Variants in MGLL observed in about 807,000 individuals in gnomAD.
MGLL encodes the protein monoglyceride lipase.
In MGLL, 7 loss-of-function variants were observed where a neutral mutation model predicts 29.1. That is an observed-to-expected ratio of 0.24 (90% CI 0.14 to 0.45). The LOEUF is 0.45. Among genes scored for constraint, MGLL ranks in the 20% least tolerant of loss-of-function variants. The pLI is 0.99. For synonymous variants in MGLL, 148 were observed against 168.3 expected (o/e 0.88, Z 0.93); for missense variants, 356 against 413.6 (o/e 0.86, Z 1.21).
chr3:127,710,442 C>A (rs749288576), intron 6 of MGLL, 134 bp downstream of exon 6: 2 of 845,500 alleles, frequency 2.4e-6, no homozygotes, highest in African/African-American at 1.7e-5. Context: ...GTCTAATGCA[C>A]CACTGTGTCC....
chr3:127,735,730 G>C, intron 3 of MGLL: 1 of 1,598,084 alleles, frequency 6.3e-7, no homozygotes, highest in Non-Finnish European at 8.5e-7. Context: ...TTTCCAGCAC[G>C]TGCTCGCTCC....
At chr3:127,762,675 C>T (rs979314451) in intron 3 of MGLL, among the ~76,000 whole-genome samples, 1 of 152,162 alleles carries the variant, frequency 6.6e-6, no homozygotes, top group African/African-American at 2.4e-5. Flanking sequence ...GTTGCAGGTT[C>T]CTTGCAGCCC....
intron 3 of MGLL, among the ~76,000 whole-genome samples, chr3:127,774,325 G>A (rs1369932407): frequency 6.6e-6 from 1 of 152,194 alleles, no homozygotes; most frequent in Non-Finnish European, 1.5e-5. Context: ...AAACTGTTGG[G>A]CAGAGGGAGC....
chr3:127,701,633 C>G (rs1437176042), intron 6 of MGLL, among the ~76,000 whole-genome samples: 4 of 152,188 alleles, frequency 2.6e-5, no homozygotes, highest in Non-Finnish European at 4.4e-5. Flanking sequence ...CACAGCATGT[C>G]CCCTCAGCCT....
chr3:127,820,900 C>A (rs1421209315), intron 2 of MGLL, among the ~76,000 whole-genome samples: 1 of 152,180 alleles, frequency 6.6e-6, no homozygotes, highest in African/African-American at 2.4e-5. Flanking sequence ...AAATTTTACA[C>A]CTGTGTGAGG....
rs567213585 is a variant in MGLL at position 127,692,881 on chromosome 3, C to T, written c.817-558G>A. ...TTCAACCTAGCCGGCAGATCCTTCT[C>T]AGTCCAGGCTCACCCCACCCACTGG... is the stretch of plus-strand genomic sequence containing the variant. On this transcript the variant is annotated intron_variant, in intron 7 of 7. Transcript: ENST00000265052. 2.6e-5 allele frequency among the ~76,000 whole-genome samples: 4 copies of T among 152,342 alleles called. No homozygotes were observed. The East Asian group carries it at 7.7e-4, about 29-fold the overall frequency.
intron 5 of MGLL, among the ~76,000 whole-genome samples, chr3:127,718,762 G>A (rs1167925670): frequency 2.6e-5 from 4 of 152,136 alleles, no homozygotes; most frequent in East Asian, 1.9e-4. Flanking sequence ...CACGCCAACC[G>A]GGAGAGAGAC....
chr3:127,794,730 C>T (rs186952524), intron 2 of MGLL, among the ~76,000 whole-genome samples: 31 of 152,332 alleles, frequency 2.0e-4, no homozygotes, highest in Admixed American at 5.2e-4. Flanking sequence ...TGATGTAAGA[C>T]TCTCTTCTCT....
At chr3:127,724,203 C>T (rs1015589406) in intron 3 of MGLL, among the ~76,000 whole-genome samples, 15 of 152,172 alleles carry the variant, frequency 9.9e-5, no homozygotes, top group Non-Finnish European at 2.1e-4. Context: ...CCCCAACTCC[C>T]CTTTCCTTCT....
intron 3 of MGLL, among the ~76,000 whole-genome samples, chr3:127,738,963 T>C (rs1007816361): frequency 3.1e-4 from 47 of 152,220 alleles, no homozygotes; most frequent in African/African-American, 1.1e-3. Context: ...AGGTAGAACA[T>C]GTCCACCATC....
chr3:127,750,407 C>T (rs1371633389), intron 3 of MGLL, among the ~76,000 whole-genome samples: 5 of 152,110 alleles, frequency 3.3e-5, no homozygotes, highest in East Asian at 1.9e-4. Flanking sequence ...CCACATCTCC[C>T]GTCACGCTTC....
chr3:127,739,810 G>A (rs1299461096), intron 3 of MGLL, among the ~76,000 whole-genome samples: 5 of 152,192 alleles, frequency 3.3e-5, no homozygotes, highest in Admixed American at 1.3e-4. Flanking sequence ...GAGGCTTTGG[G>A]GGTTCCTGGA....
chr3:127,741,305 A>G (rs1262556486), intron 3 of MGLL, among the ~76,000 whole-genome samples: 1 of 151,930 alleles, frequency 6.6e-6, no homozygotes, highest in Non-Finnish European at 1.5e-5. Context: ...GGCCATGCCC[A>G]CTCCTCATGC....
intron 3 of MGLL, among the ~76,000 whole-genome samples, chr3:127,768,595 A>T (rs1576571624): frequency 6.6e-6 from 1 of 152,196 alleles, no homozygotes; most frequent in African/African-American, 2.4e-5. Context: ...GACATCCAAG[A>T]TGACTAAGTA....
chr3:127,741,406 A>G (rs1283527419), intron 3 of MGLL, among the ~76,000 whole-genome samples: 1 of 152,220 alleles, frequency 6.6e-6, no homozygotes, highest in African/African-American at 2.4e-5. Flanking sequence ...GGGTGCTCCC[A>G]GGGGGCATGG....
At chr3:127,694,311 A>ATGTGTGTATATATATGTG (rs2075309636) in intron 7 of MGLL, among the ~76,000 whole-genome samples, 1 of 135,216 alleles carries the variant, frequency 7.4e-6, no homozygotes, top group Non-Finnish European at 1.6e-5. Context: ...ATATATATGT[A>ATGTGTGTATATATATGTG]TGTGTGTATA....
At chr3:127,757,283 G>C (rs1009208697) in intron 3 of MGLL, among the ~76,000 whole-genome samples, 4 of 152,182 alleles carry the variant, frequency 2.6e-5, no homozygotes, top group African/African-American at 9.7e-5. Flanking sequence ...ATGAGTTGTT[G>C]TTTTAGGCTG....
At chr3:127,705,429 A>T (rs1391598431) in intron 6 of MGLL, among the ~76,000 whole-genome samples, 2 of 152,146 alleles carry the variant, frequency 1.3e-5, no homozygotes, top group Non-Finnish European at 2.9e-5. Context: ...ATAGACAAGA[A>T]ATAGGAAAAA....
At chr3:127,822,205 CTATCTTAAA>C (rs1429856175) in intron 1 of MGLL, 95 bp downstream of exon 1, 9 of 1,321,126 alleles carry the variant, frequency 6.8e-6, no homozygotes, top group Non-Finnish European at 3.3e-6. Flanking sequence ...GAAGACCCAT[CTATCTTAAA>C]ATCTCCAAGG....
Sources: allele counts gnomAD v4.1 joint callset (sites outside exome capture counted in the v4.1 genomes callset), GRCh38; gene constraint gnomAD v4.1.1; transcripts MANE v1.5; gene names NCBI Gene and HGNC (gene_info 2026-07-23, HGNC 2026-07-21).